The following SYCP1 variants were observed in gnomAD, a reference collection of about 807,000 sequenced individuals.
SYCP1 encodes the protein cancer/testis antigen 8.
Under a neutral mutation model 153.1 loss-of-function variants are expected in SYCP1, and 64 were observed. That is an observed-to-expected ratio of 0.42 (90% CI 0.34 to 0.51). SYCP1 has a LOEUF of 0.51. Ranked by LOEUF, SYCP1 falls within the 20% of genes least tolerant of loss-of-function variation. The pLI, the probability that SYCP1 is intolerant of heterozygous loss-of-function variation, is 0.06. For missense variants in SYCP1, 997 were observed against 1,049.0 expected (o/e 0.95, Z 0.68); for synonymous variants, 384 against 341.8 (o/e 1.12, Z -1.36).
At chr1:114,942,772 G>C (rs558876023) in intron 23 of SYCP1, among the ~76,000 whole-genome samples, 1 of 151,946 alleles carries the variant, frequency 6.6e-6, no homozygotes, top group African/African-American at 2.4e-5. Context: ...AGTAAAGAAA[G>C]ATTTCCTAAA....
In SYCP1 at chr1:114,885,540, CAG is replaced by C; in HGVS notation, c.919_920del (p.Ser307Ter). The part of the protein sequence containing the change: ...VNQLEEKTKL[Q>X]SENLKQSIEK... ...TTTATAACTTTCTCTTTTAGAATTA[CAG>C]AGTGAAAACTTAAAACAATCAATTG... On this transcript the variant is annotated frameshift_variant, in exon 13 of 32. Transcript: ENST00000369522. LOFTEE classifies it high-confidence loss of function. 1 of 1,542,350 alleles carries C rather than the reference CAG, an allele frequency of 6.5e-7. No individual in the cohort carries two copies. The highest frequency in any genetic ancestry group is 8.9e-7 in the Non-Finnish European group (1 of 1,129,250).
chr1:114,983,954 G>A (rs1673332163), intron 29 of SYCP1, among the ~76,000 whole-genome samples: 1 of 152,002 alleles, frequency 6.6e-6, no homozygotes, highest in African/African-American at 2.4e-5. Context: ...GGGCTGGGCT[G>A]CAGTGGCATG....
chr1:114,917,769 T>C lies in SYCP1; in HGVS notation c.1718+3724T>C, dbSNP rs188332364. Among the ~76,000 whole-genome samples, 530 of 152,310 alleles carry C rather than the reference T, an allele frequency of 3.5e-3. 3 individuals are homozygous for C. Among genetic ancestry groups the C allele is most frequent in the Non-Finnish European group, 4.5e-3 (306 of 68,010 alleles). ...CACCTTTTCATATACCTGTTTGCCATTGGTATGTCTTCTTTTGAAAAATGC... is the reference window on the plus strand; with the variant it reads ...CACCTTTTCATATACCTGTTTGCCACTGGTATGTCTTCTTTTGAAAAATGC... On this transcript the variant is annotated intron_variant, in intron 20 of 31. Transcript: ENST00000369522.
rs201151201 is a variant in SYCP1 at position 114,878,215 on chromosome 1, A to G, written c.910+13A>G. On this transcript the variant is annotated intron_variant, in intron 12 of 31. Transcript: ENST00000369522. The stretch of plus-strand genomic sequence containing the variant: ...GAGGAAAAGACAAGTAAGAGTTTAT[A>G]TAAGATAATATAATGTGCCTTATGT... 8 of 1,420,696 alleles carry G rather than the reference A, an allele frequency of 5.6e-6. No individual in the cohort carries two copies. The highest frequency in any genetic ancestry group is 2.3e-5 in the East Asian group (1 of 43,548). The allele number at this position is 1,420,696 out of a possible 1,614,324, so 88.0% of individuals were successfully genotyped here.
chr1:114,970,604 C>T (rs571680563), intron 27 of SYCP1, among the ~76,000 whole-genome samples: 1 of 151,774 alleles, frequency 6.6e-6, no homozygotes, highest in Non-Finnish European at 1.5e-5. Flanking sequence ...ATGGGGTGAT[C>T]CCTTGATGTG....
At chr1:114,938,763 T>C (rs551842258) in intron 23 of SYCP1, among the ~76,000 whole-genome samples, 6 of 152,220 alleles carry the variant, frequency 3.9e-5, no homozygotes, top group South Asian at 4.1e-4. Flanking sequence ...AGGACTTGAA[T>C]AGATATTTCT....
chr1:114,968,667 C>T (rs1160551090), intron 27 of SYCP1, among the ~76,000 whole-genome samples: 3 of 152,146 alleles, frequency 2.0e-5, no homozygotes, highest in South Asian at 4.1e-4. Flanking sequence ...CCTTCTGAAG[C>T]CTACTTCTGT....
intron 16 of SYCP1, among the ~76,000 whole-genome samples, chr1:114,902,203 C>G (rs190717612): frequency 1.3e-5 from 2 of 152,156 alleles, no homozygotes; most frequent in Admixed American, 6.6e-5. Context: ...TCCAGATCTC[C>G]GGGAGCAATG....
intron 27 of SYCP1, among the ~76,000 whole-genome samples, chr1:114,958,081 C>G (rs1347038268): frequency 2.6e-5 from 4 of 152,094 alleles, no homozygotes; most frequent in Admixed American, 2.6e-4. Flanking sequence ...GTATACATTC[C>G]ATATGCAATG....
At chr1:114,917,958 T>G (rs1253647591) in intron 20 of SYCP1, among the ~76,000 whole-genome samples, 1 of 152,112 alleles carries the variant, frequency 6.6e-6, no homozygotes, top group Admixed American at 6.6e-5. Flanking sequence ...TGTTGATTTT[T>G]TTTTTTCTGT....
chr1:114,878,193 G>A lies in SYCP1; in HGVS notation c.901G>A (p.Glu301Lys). The change falls in exon 12 of 32, where the codon GAA becomes AAA. Residue 301 changes from glutamate (E) to lysine (K), a missense_variant. Glu to Lys is a moderately conservative substitution (Grantham distance 56, BLOSUM62 1). This residue lies in a region of SYCP1 where 285 missense variants were observed against 366.1 expected (regional missense o/e 0.78). Coordinates refer to ENST00000369522, the MANE Select transcript of SYCP1 (RefSeq NM_003176.4). ...ESRDKVNQLE[E>K]KTKLQSENLK... is the part of the protein sequence containing the mutation. ...CAGAGATAAAGTTAATCAATTAGAG[G>A]AAAAGACAAGTAAGAGTTTATATAA... is the stretch of plus-strand genomic sequence containing the variant. 1 of 1,530,456 alleles carries A rather than the reference G, an allele frequency of 6.5e-7. No homozygotes were observed. Among genetic ancestry groups the A allele is most frequent in the South Asian group, 1.2e-5 (1 of 86,848 alleles). The allele number at this position is 1,530,456 out of a possible 1,614,324, so 94.8% of individuals were successfully genotyped here. A position where few individuals can be genotyped will look rare whatever the true frequency, so the allele number is the denominator to read the frequency against.
chr1:114,896,182 T>C (rs1196919112), intron 16 of SYCP1, among the ~76,000 whole-genome samples: 1 of 152,210 alleles, frequency 6.6e-6, no homozygotes, highest in Non-Finnish European at 1.5e-5. Flanking sequence ...GAATATAATA[T>C]TGTTTATGAT....
chr1:114,865,959 T>G (rs1032520651), intron 8 of SYCP1, among the ~76,000 whole-genome samples: 1 of 152,234 alleles, frequency 6.6e-6, no homozygotes, highest in Non-Finnish European at 1.5e-5. Context: ...TTGGCTTCTT[T>G]CACTTAGTAA....
At chr1:114,876,988 A>G (rs1399691192) in intron 11 of SYCP1, 178 bp downstream of exon 11, 1 of 286,922 alleles carries the variant, frequency 3.5e-6, no homozygotes, top group Non-Finnish European at 6.6e-6. Context: ...TGACTCAAAT[A>G]TGTACTCACT....
At chr1:114,986,894 A>G (rs550407554) in intron 30 of SYCP1, among the ~76,000 whole-genome samples, 1 of 152,104 alleles carries the variant, frequency 6.6e-6, no homozygotes, top group East Asian at 1.9e-4. Context: ...AGCCTAAAAT[A>G]TGATAGCAGC....
intron 8 of SYCP1, among the ~76,000 whole-genome samples, chr1:114,862,204 T>G (rs1570650013): frequency 6.6e-6 from 1 of 152,190 alleles, no homozygotes; most frequent in Non-Finnish European, 1.5e-5. Context: ...CTATATCCTA[T>G]GTACTCAACA....
intron 20 of SYCP1, among the ~76,000 whole-genome samples, chr1:114,922,128 T>C (rs1472712774): frequency 5.9e-5 from 9 of 152,186 alleles, no homozygotes; most frequent in Non-Finnish European, 1.2e-4. Context: ...TTAAATATAG[T>C]TGGTATTCTA....
At chr1:114,963,853 T>C (rs1031937727) in intron 27 of SYCP1, among the ~76,000 whole-genome samples, 4 of 152,348 alleles carry the variant, frequency 2.6e-5, no homozygotes, top group African/African-American at 9.6e-5. Context: ...TGTGTCTTTA[T>C]AGTAGAATGA....
chr1:114,912,107 T>C (rs1220927044), intron 18 of SYCP1, among the ~76,000 whole-genome samples: 1 of 151,952 alleles, frequency 6.6e-6, no homozygotes, highest in African/African-American at 2.4e-5. Context: ...TGGTGGCTTC[T>C]CAGTGCTAGA....
Sources: allele counts gnomAD v4.1 joint callset (sites outside exome capture counted in the v4.1 genomes callset), GRCh38; gene constraint gnomAD v4.1.1; regional missense constraint gnomAD v4.1.1; transcripts MANE v1.5; gene names NCBI Gene and HGNC (gene_info 2026-07-23, HGNC 2026-07-21).